Variants in ADGRL2 observed in about 807,000 individuals in gnomAD.
ADGRL2 encodes the protein calcium-independent alpha-latrotoxin receptor 2.
In ADGRL2, 44 loss-of-function variants were observed where a neutral mutation model predicts 157.4. That is an observed-to-expected ratio of 0.28 (90% CI 0.22 to 0.36). The LOEUF (loss-of-function observed/expected upper bound fraction) is 0.36. Ranked by LOEUF, ADGRL2 falls within the 10% of genes least tolerant of loss-of-function variation. ADGRL2 has a pLI of 1.00. For synonymous variants in ADGRL2, 585 were observed against 624.7 expected, an observed-to-expected ratio of 0.94 and a Z score of 0.95; for missense variants, 1,510 against 1,768.9, an observed-to-expected ratio of 0.85 and a Z score of 2.63.
At chr1:81,527,669 G>A (rs1273274464) in intron 2 of ADGRL2, among the ~76,000 whole-genome samples, 9 of 151,350 alleles carry the variant, frequency 5.9e-5, no homozygotes, top group African/African-American at 2.2e-4. Flanking sequence ...CCAAGATCGC[G>A]CCACTGCACT....
At chr1:81,934,163 A>C (rs1373361499) in intron 3 of ADGRL2, among the ~76,000 whole-genome samples, 1 of 152,120 alleles carries the variant, frequency 6.6e-6, no homozygotes, top group African/African-American at 2.4e-5. Context: ...TGATTATTTA[A>C]ATCAATAAAA....
chr1:81,356,485 A>C (rs1165782196), intron 1 of ADGRL2, among the ~76,000 whole-genome samples: 1 of 152,300 alleles, frequency 6.6e-6, no homozygotes, highest in African/African-American at 2.4e-5. Context: ...AAAATTAGAA[A>C]GCAAGAAAGA....
chr1:81,483,067 T>C (rs1196018757), intron 2 of ADGRL2, among the ~76,000 whole-genome samples: 3 of 152,106 alleles, frequency 2.0e-5, no homozygotes, highest in African/African-American at 7.2e-5. Flanking sequence ...CTGCGTGATA[T>C]TAAGAAAGAA....
At chr1:81,520,937 T>C (rs2079299748) in intron 2 of ADGRL2, among the ~76,000 whole-genome samples, 1 of 152,164 alleles carries the variant, frequency 6.6e-6, no homozygotes, top group Non-Finnish European at 1.5e-5. Context: ...ATACGGCTAC[T>C]TGATTTCCAG....
chr1:81,394,081 C>T (rs1160037869), intron 1 of ADGRL2, among the ~76,000 whole-genome samples: 1 of 151,906 alleles, frequency 6.6e-6, no homozygotes, highest in Non-Finnish European at 1.5e-5. Context: ...ATGTAGTTGC[C>T]TGTTTTTAAA....
intron 2 of ADGRL2, among the ~76,000 whole-genome samples, chr1:81,906,234 C>T (rs1415811863): frequency 6.6e-6 from 1 of 152,148 alleles, no homozygotes; most frequent in African/African-American, 2.4e-5. Flanking sequence ...TTTCTTCCCT[C>T]TTCAGTCCAG....
chr1:81,341,730 C>T (rs1323462893), intron 1 of ADGRL2, among the ~76,000 whole-genome samples: 1 of 152,058 alleles, frequency 6.6e-6, no homozygotes, highest in East Asian at 1.9e-4. Context: ...GTTTGTAGAG[C>T]TCATTGGGAG....
At chr1:81,766,568 T>C (rs1255219138) in intron 2 of ADGRL2, among the ~76,000 whole-genome samples, 1 of 152,084 alleles carries the variant, frequency 6.6e-6, no homozygotes, top group Non-Finnish European at 1.5e-5. Context: ...TGGTTGCTCA[T>C]GCCTGTAATC....
chr1:81,844,798 G>A (rs1323129556), intron 2 of ADGRL2, among the ~76,000 whole-genome samples: 2 of 152,122 alleles, frequency 1.3e-5, no homozygotes, highest in Middle Eastern at 6.3e-3. Context: ...AGCACTTCAG[G>A]AAGCAGAAAC....
At chr1:81,954,258 A>G (rs1477395088) in intron 10 of ADGRL2, among the ~76,000 whole-genome samples, 1 of 151,966 alleles carries the variant, frequency 6.6e-6, no homozygotes, top group East Asian at 1.9e-4. Context: ...CAGGAATATG[A>G]CTAGGCTAAT....
At chr1:81,836,828 A>C (rs1022107450) in intron 1 of ADGRL2, 57 bp from the exon 2 acceptor site, 3 of 498,440 alleles carry the variant, frequency 6.0e-6, no homozygotes, top group Non-Finnish European at 1.1e-5. Flanking sequence ...GAGAGAGAGA[A>C]TTGTTTTGTT....
intron 2 of ADGRL2, among the ~76,000 whole-genome samples, chr1:81,904,526 C>A (rs2094549550): frequency 6.6e-6 from 1 of 152,130 alleles, no homozygotes; most frequent in African/African-American, 2.4e-5. Context: ...GTGAGGGCCT[C>A]ATGCTGCTTC....
intron 1 of ADGRL2, among the ~76,000 whole-genome samples, chr1:81,827,982 T>G (rs1295166339): frequency 1.3e-5 from 2 of 152,226 alleles, no homozygotes; most frequent in Non-Finnish European, 2.9e-5. Context: ...TAGACTAAAG[T>G]TGATTTGATT....
chr1:81,471,625 A>T (rs1418691454), intron 2 of ADGRL2, among the ~76,000 whole-genome samples: 1 of 152,204 alleles, frequency 6.6e-6, no homozygotes, highest in Non-Finnish European at 1.5e-5. Flanking sequence ...ATCCAGGCGT[A>T]AACAGTTGTT....
At position 81,694,285 on chromosome 1, in the gene ADGRL2, T is replaced by G. The variant is rs1570857661; in HGVS notation, c.-142-67526T>G. On this transcript the variant is annotated intron_variant, in intron 3 of 24. Transcript: ENST00000370721. ...CTCCAGATTCTACCTGAATTCAATCTTGGTTCAATTATTTGCTAGCAGTGT... is the reference window on the plus strand; with the variant it reads ...CTCCAGATTCTACCTGAATTCAATCGTGGTTCAATTATTTGCTAGCAGTGT... Among the ~76,000 whole-genome samples the G allele has an allele frequency of 4.6e-5, 7 of 152,258 alleles. No homozygotes were observed. In the South Asian group the frequency reaches 1.5e-3, roughly 32 times the overall value.
rs780916391 is a variant in ADGRL2 at position 81,863,425 on chromosome 1, C to T, written c.73+26368C>T. Among the ~76,000 whole-genome samples, 5 of 152,068 alleles carry T rather than the reference C, an allele frequency of 3.3e-5. No individual in the cohort carries two copies. The East Asian group carries it at 9.6e-4, about 29-fold the overall frequency. ...CTTTATGATGGTCCCAGAAAGGATC[C>T]TTTTTCAGAAACAGAAAAAAACTCT... On this transcript the variant is annotated intron_variant, in intron 2 of 23. Coordinates refer to ENST00000686636, the MANE Select transcript of ADGRL2 (RefSeq NM_001366006.2).
chr1:81,804,903 G>A (rs1434277592), intron 1 of ADGRL2, among the ~76,000 whole-genome samples: 1 of 152,130 alleles, frequency 6.6e-6, no homozygotes, highest in East Asian at 1.9e-4. Flanking sequence ...TGTTTTTTAT[G>A]TGCTAAATAA....
At chr1:81,483,227 C>T (rs987125110) in intron 2 of ADGRL2, among the ~76,000 whole-genome samples, 1 of 152,024 alleles carries the variant, frequency 6.6e-6, no homozygotes, top group Non-Finnish European at 1.5e-5. Context: ...TTTTAAAGTT[C>T]CAGTTTTAGA....
At position 81,849,350 on chromosome 1, in the gene ADGRL2, TAA is replaced by T. The variant is rs200157951; in HGVS notation, c.73+12294_73+12295del. On this transcript the variant is annotated intron_variant, in intron 2 of 23. Transcript: ENST00000686636. ...CATATTTAAAAGCATTCAGAAATGT[TAA>T]GCAACAATAAAACCCCGTAACCATT... is the stretch of plus-strand genomic sequence containing the variant. 2.2e-4 allele frequency among the ~76,000 whole-genome samples: 33 copies of T among 152,028 alleles called. No homozygotes were observed. In the East Asian group the frequency reaches 5.0e-3, roughly 23 times the overall value.
Sources: allele counts gnomAD v4.1 joint callset (sites outside exome capture counted in the v4.1 genomes callset), GRCh38; gene constraint gnomAD v4.1.1; transcripts MANE v1.5; gene names NCBI Gene and HGNC (gene_info 2026-07-23, HGNC 2026-07-21).